Variants in PRKCH observed in about 807,000 individuals in gnomAD.
PRKCH encodes protein kinase C eta type.
A neutral mutation model predicts 82.5 loss-of-function variants in PRKCH; 28 were observed. The ratio of observed to expected loss-of-function variants is 0.34; its 90% CI spans 0.25 to 0.47. The LOEUF is 0.47. Among genes scored for constraint, PRKCH ranks in the 20% least tolerant of loss-of-function variants. PRKCH has a pLI of 1.00. For missense variants in PRKCH, 705 were observed against 881.8 expected (o/e 0.80, Z 2.54); for synonymous variants, 322 against 327.4 (o/e 0.98, Z 0.18).
intron 9 of PRKCH, among the ~76,000 whole-genome samples, chr14:61,464,732 G>T (rs1397207896): frequency 2.6e-5 from 4 of 152,066 alleles, no homozygotes; most frequent in Non-Finnish European, 5.9e-5. Context: ...CTTTTTTATG[G>T]CTGCATAGTA....
chr14:61,351,732 G>T (rs1040357871), intron 1 of PRKCH, among the ~76,000 whole-genome samples: 21 of 152,280 alleles, frequency 1.4e-4, no homozygotes, highest in African/African-American at 4.8e-4. Flanking sequence ...GACAAGATTA[G>T]TCAGGATAGT....
intron 1 of PRKCH, among the ~76,000 whole-genome samples, chr14:61,293,454 C>G (rs1366216190): frequency 1.3e-5 from 2 of 152,234 alleles, no homozygotes; most frequent in African/African-American, 4.8e-5. Flanking sequence ...CAGCCCACCT[C>G]TGGCTGACCT....
chr14:61,225,104 C>G (rs73315473), intron 1 of PRKCH, among the ~76,000 whole-genome samples: 2 of 152,168 alleles, frequency 1.3e-5, no homozygotes, highest in Non-Finnish European at 2.9e-5. Flanking sequence ...CTAGTCTACA[C>G]TAGGACAATG....
chr14:61,480,931 A>T (rs1885943030), intron 9 of PRKCH, among the ~76,000 whole-genome samples: 2 of 151,452 alleles, frequency 1.3e-5, no homozygotes, highest in South Asian at 4.2e-4. Context: ...CTCAGTCCCC[A>T]CTCCAGCCTG....
chr14:61,356,210 C>T (rs541148589), intron 1 of PRKCH, among the ~76,000 whole-genome samples: 3 of 152,180 alleles, frequency 2.0e-5, no homozygotes, highest in Admixed American at 1.3e-4. Context: ...GCTGCCTGGT[C>T]GAGTGCAGTG....
intron 6 of PRKCH, among the ~76,000 whole-genome samples, chr14:61,452,212 C>T (rs1884543394): frequency 6.6e-6 from 1 of 152,162 alleles, no homozygotes; most frequent in Non-Finnish European, 1.5e-5. Context: ...GTGTGTCTTA[C>T]ACCTGTCTTC....
chr14:61,227,601 G>GATAAATAA (rs10638537), intron 1 of PRKCH, among the ~76,000 whole-genome samples: 34 of 151,420 alleles, frequency 2.2e-4, no homozygotes, highest in Admixed American at 9.2e-4. Flanking sequence ...TCAAAAAATA[G>GATAAATAA]ATAAATAAAT....
chr14:61,247,580 A>G lies in PRKCH; in HGVS notation c.-19+59912A>G, dbSNP rs376536938. On this transcript the variant is annotated intron_variant, in intron 1 of 3. Transcript: ENST00000555185. ...GTGAAACCCTATCTCTCCTAAAAAT[A>G]CAAAATTTAGCCAGGTATAGTGGCA... Among the ~76,000 whole-genome samples the G allele has an allele frequency of 3.3e-5, 5 of 151,932 alleles. No homozygotes were observed. In the South Asian group the frequency reaches 1.0e-3, roughly 32 times the overall value.
chr14:61,418,987 C>T (rs980033427), intron 2 of PRKCH, among the ~76,000 whole-genome samples: 2 of 152,200 alleles, frequency 1.3e-5, no homozygotes, highest in African/African-American at 4.8e-5. Context: ...CATCTGATTT[C>T]CTTCTTGGGT....
intron 10 of PRKCH, among the ~76,000 whole-genome samples, chr14:61,520,087 A>G (rs561953828): frequency 2.0e-4 from 31 of 152,060 alleles, no homozygotes; most frequent in South Asian, 1.7e-3. Context: ...AAAAAAAAAA[A>G]AAAGAAAGAA....
At chr14:61,236,726 A>AG (rs550903815) in intron 1 of PRKCH, among the ~76,000 whole-genome samples, 9,853 of 147,108 alleles carry the variant, frequency 0.067, 316 homozygotes, top group Middle Eastern at 0.091. Flanking sequence ...AAAAAAAAAA[A>AG]AAAAAGAAAA....
intron 1 of PRKCH, among the ~76,000 whole-genome samples, chr14:61,347,035 C>T (rs533019110): frequency 6.6e-6 from 1 of 152,282 alleles, no homozygotes; most frequent in South Asian, 2.1e-4. Context: ...GCTTTGTAAT[C>T]TGTTCACCGG....
chr14:61,395,290 G>GAC (rs1555383074), intron 2 of PRKCH, among the ~76,000 whole-genome samples: 1 of 124,258 alleles, frequency 8.0e-6, no homozygotes. Flanking sequence ...AGGAAATGGA[G>GAC]CCCCCCCCCG....
At chr14:61,372,125 TA>T (rs2046370884) in intron 1 of PRKCH, among the ~76,000 whole-genome samples, 2 of 152,042 alleles carry the variant, frequency 1.3e-5, no homozygotes, top group African/African-American at 4.8e-5. Flanking sequence ...TTTCTGGCAC[TA>T]AAAGATGCCC....
At position 61,273,080 on chromosome 14, in the gene PRKCH, C is replaced by T. The variant is rs896881871; in HGVS notation, c.-19+85412C>T. ...ATCATGCATTATTCTTTTACATGTA[C>T]ATTTTTCCTGATGTATTGAAGTAAT... On this transcript the variant is annotated intron_variant, in intron 1 of 3. Coordinates refer to the PRKCH transcript ENST00000555185. Among the ~76,000 whole-genome samples the T allele has an allele frequency of 5.9e-5, 9 of 152,280 alleles. No homozygotes were observed. The East Asian group carries it at 1.7e-3, about 29-fold the overall frequency.
chr14:61,268,663 G>GC (rs1208700579), intron 1 of PRKCH, among the ~76,000 whole-genome samples: 3 of 152,086 alleles, frequency 2.0e-5, no homozygotes, highest in Non-Finnish European at 2.9e-5. Context: ...GCAAGACGCT[G>GC]CCCCCTGCCA....
chr14:61,526,184 G>A (rs941833910), intron 10 of PRKCH, among the ~76,000 whole-genome samples: 1 of 152,218 alleles, frequency 6.6e-6, no homozygotes, highest in African/African-American at 2.4e-5. Context: ...GGCCAGGGGA[G>A]GAAGCAGCTT....
rs372605109 is a variant in PRKCH, at chr14:61,288,243, A to T, written c.-19+100575A>T. 2.6e-5 allele frequency among the ~76,000 whole-genome samples: 4 copies of T among 152,108 alleles called. No individual in the cohort carries two copies. The East Asian group carries it at 7.7e-4, about 29-fold the overall frequency. Reference sequence around the variant, plus strand: ...TTTCTTCCCCCAGAACCACCGGAAAAAAAACTAAATACAAATTAAATTTTA... The same window carrying T: ...TTTCTTCCCCCAGAACCACCGGAAATAAAACTAAATACAAATTAAATTTTA... On this transcript the variant is annotated intron_variant, in intron 1 of 3. Transcript: ENST00000555185.
intron 1 of PRKCH, among the ~76,000 whole-genome samples, chr14:61,188,476 G>T (rs930664626): frequency 6.6e-6 from 1 of 151,802 alleles, no homozygotes; most frequent in African/African-American, 2.4e-5. Flanking sequence ...CGGGCAGGCG[G>T]CCTTGTGGCT....
Sources: gnomAD v4.1 joint callset for allele counts (sites outside exome capture counted in the v4.1 genomes callset) on GRCh38, gnomAD v4.1.1 for gene constraint, MANE v1.5 for transcripts, NCBI Gene and HGNC (gene_info 2026-07-23, HGNC 2026-07-21) for gene names.